ATG10: variants seen among roughly 807,000 people sequenced by gnomAD.
ATG10 encodes the protein autophagy related 10.
In ATG10, 30 loss-of-function variants were observed where a neutral mutation model predicts 32.1. That is an observed-to-expected ratio of 0.94 (90% CI 0.70 to 1.27). ATG10 has a LOEUF of 1.27. ATG10 is among the 50% of genes most tolerant of loss of function. The pLI, the probability that ATG10 is intolerant of heterozygous loss-of-function variation, is 0.00. For synonymous variants in ATG10, 87 were observed against 91.5 expected, an observed-to-expected ratio of 0.95 and a Z score of 0.28; for missense variants, 233 against 262.3, an observed-to-expected ratio of 0.89 and a Z score of 0.77.
chr5:82,247,116 G>C (rs1028997718), intron 5 of ATG10, among the ~76,000 whole-genome samples: 1 of 152,114 alleles, frequency 6.6e-6, no homozygotes, highest in Non-Finnish European at 1.5e-5. Flanking sequence ...ATGTGTCTAG[G>C]TGTGGGTTTT....
At chr5:82,201,506 T>A (rs1193148248) in intron 5 of ATG10, among the ~76,000 whole-genome samples, 1 of 152,260 alleles carries the variant, frequency 6.6e-6, no homozygotes, top group African/African-American at 2.4e-5. Context: ...TTCATTGATC[T>A]ATTTTTCTGT....
chr5:82,071,300 A>G (rs1334707713), intron 3 of ATG10, among the ~76,000 whole-genome samples: 1 of 152,148 alleles, frequency 6.6e-6, no homozygotes, highest in Non-Finnish European at 1.5e-5. Flanking sequence ...GACAGCAGGC[A>G]TCCTGATAAG....
At chr5:82,152,034 AAC>A (rs1767619425) in intron 3 of ATG10, among the ~76,000 whole-genome samples, 1 of 152,254 alleles carries the variant, frequency 6.6e-6, no homozygotes, top group Admixed American at 6.5e-5. Flanking sequence ...CAAGATTTAA[AAC>A]ACACAAAGAA....
chr5:82,251,088 C>G (rs916790647), intron 5 of ATG10, among the ~76,000 whole-genome samples: 7 of 152,292 alleles, frequency 4.6e-5, no homozygotes, highest in Non-Finnish European at 1.0e-4. Context: ...GCTAAAAATG[C>G]CAGATACATG....
At position 82,255,699 on chromosome 5, in the gene ATG10, A is replaced by G. The variant is rs867923852; in HGVS notation, c.*1636A>G. 1.3e-5 allele frequency: 2 copies of G among 152,146 alleles called. No individual in the cohort carries two copies. Among genetic ancestry groups the G allele is most frequent in the Non-Finnish European group, 1.5e-5 (1 of 68,046 alleles). The allele number at this position is 152,146 out of a possible 1,614,324, so 9.4% of individuals were successfully genotyped here. A position where few individuals can be genotyped will look rare whatever the true frequency, so the allele number is the denominator to read the frequency against. Reference sequence around the variant, plus strand: ...CCATACAAGCTGAACTTGCTTCCTAATGTTTGTCTAGGCCTTACATGGATA... The same window carrying G: ...CCATACAAGCTGAACTTGCTTCCTAGTGTTTGTCTAGGCCTTACATGGATA... On this transcript the variant is annotated 3_prime_UTR_variant, in exon 8 of 8. Transcript: ENST00000282185.
At chr5:82,184,244 C>T (rs1417732933) in intron 5 of ATG10, among the ~76,000 whole-genome samples, 1 of 151,226 alleles carries the variant, frequency 6.6e-6, no homozygotes, top group African/African-American at 2.4e-5. Context: ...GTTACAGTAG[C>T]ATCTACACAG....
intron 3 of ATG10, among the ~76,000 whole-genome samples, chr5:82,074,573 C>T (rs1320737438): frequency 6.6e-6 from 1 of 151,960 alleles, no homozygotes. Context: ...TAGTGGTAAC[C>T]TGGGCTTTGT....
chr5:82,124,257 C>G (rs1766164387), intron 3 of ATG10, among the ~76,000 whole-genome samples: 1 of 151,192 alleles, frequency 6.6e-6, no homozygotes, highest in Non-Finnish European at 1.5e-5. Context: ...CCCGCCTTGG[C>G]CTCCCAAAGT....
At chr5:82,142,443 C>T (rs1205225753) in intron 3 of ATG10, among the ~76,000 whole-genome samples, 2 of 151,746 alleles carry the variant, frequency 1.3e-5, no homozygotes, top group East Asian at 1.9e-4. Flanking sequence ...TGGGATGGCA[C>T]GTATGTAAAG....
intron 3 of ATG10, among the ~76,000 whole-genome samples, chr5:82,140,698 C>T (rs1346041873): frequency 2.6e-5 from 1 of 38,696 alleles, no homozygotes; most frequent in Non-Finnish European, 5.5e-5. Flanking sequence ...CCCCTCTGCC[C>T]GGCCACCACC....
At chr5:82,139,342 A>C in intron 3 of ATG10, among the ~76,000 whole-genome samples, 4 of 138,816 alleles carry the variant, frequency 2.9e-5, no homozygotes, top group Non-Finnish European at 4.6e-5. Flanking sequence ...CTGGCTGCCC[A>C]GTCTGGAAAG....
intron 5 of ATG10, among the ~76,000 whole-genome samples, chr5:82,200,026 C>A (rs1341407013): frequency 6.6e-6 from 1 of 152,036 alleles, no homozygotes; most frequent in Non-Finnish European, 1.5e-5. Context: ...TTTGGTTTAT[C>A]CTTTTACCAG....
At chr5:82,115,437 A>C (rs1319545574) in intron 3 of ATG10, among the ~76,000 whole-genome samples, 3 of 152,060 alleles carry the variant, frequency 2.0e-5, no homozygotes, top group African/African-American at 7.2e-5. Flanking sequence ...TGATGGACAC[A>C]TGGGATTCGT....
chr5:81,993,360 C>CTTCTTTCTTTCTTTTCTT (rs1389776064), intron 2 of ATG10, among the ~76,000 whole-genome samples: 1,019 of 46,722 alleles, frequency 0.022, 143 homozygotes, highest in East Asian at 0.071. Flanking sequence ...TCTTTCTTTC[C>CTTCTTTCTTTCTTTTCTT]TTCTTTTCTT....
chr5:82,161,864 C>T (rs912899790), intron 3 of ATG10, among the ~76,000 whole-genome samples: 17 of 151,812 alleles, frequency 1.1e-4, no homozygotes, highest in South Asian at 2.1e-4. Context: ...AATTTTAAAA[C>T]GTGTATATAG....
At chr5:82,030,279 T>C (rs1762709772) in intron 2 of ATG10, among the ~76,000 whole-genome samples, 1 of 152,132 alleles carries the variant, frequency 6.6e-6, no homozygotes, top group South Asian at 2.1e-4. Flanking sequence ...TCTATGTAGC[T>C]GTGCTTAAGA....
At chr5:82,136,325 G>A (rs934044742) in intron 3 of ATG10, among the ~76,000 whole-genome samples, 6 of 152,048 alleles carry the variant, frequency 3.9e-5, no homozygotes, top group East Asian at 3.9e-4. Context: ...TAGTGTCGAC[G>A]GTCTTTACAA....
chr5:82,154,905 A>G (rs1767747874), intron 3 of ATG10, among the ~76,000 whole-genome samples: 1 of 152,234 alleles, frequency 6.6e-6, no homozygotes, highest in Admixed American at 6.5e-5. Context: ...CTCATGGCTT[A>G]CTGAAACAGT....
At chr5:82,220,584 G>T (rs1018317380) in intron 5 of ATG10, among the ~76,000 whole-genome samples, 5 of 151,370 alleles carry the variant, frequency 3.3e-5, no homozygotes, top group Non-Finnish European at 7.4e-5. Context: ...AATCACAAAT[G>T]CAGTGTGTTT....
Sources: gnomAD v4.1 joint callset for allele counts (sites outside exome capture counted in the v4.1 genomes callset) on GRCh38, gnomAD v4.1.1 for gene constraint, MANE v1.5 for transcripts, NCBI Gene and HGNC (gene_info 2026-07-23, HGNC 2026-07-21) for gene names.